Variants in NEDD4L observed in about 807,000 individuals in gnomAD.
NEDD4L encodes the protein NEDD4 like E3 ubiquitin protein ligase.
In NEDD4L, 54 loss-of-function variants were observed where a neutral mutation model predicts 148.9. The ratio of observed to expected loss-of-function variants is 0.36; its 90% CI spans 0.29 to 0.45. The LOEUF is 0.45. Ranked by LOEUF, NEDD4L falls within the 20% of genes least tolerant of loss-of-function variation. The pLI, the probability that NEDD4L is intolerant of heterozygous loss-of-function variation, is 1.00. For missense variants in NEDD4L, 856 were observed against 1,233.8 expected, an observed-to-expected ratio of 0.69 and a Z score of 4.59; for synonymous variants, 433 against 440.7, an observed-to-expected ratio of 0.98 and a Z score of 0.22.
chr18:58,075,023 A>G (rs1217395042), intron 1 of NEDD4L, among the ~76,000 whole-genome samples: 2 of 152,232 alleles, frequency 1.3e-5, no homozygotes, highest in Admixed American at 1.3e-4. Flanking sequence ...AACAATAATA[A>G]TAACCTAGCA....
chr18:58,047,095 A>G (rs1285436409), intron 1 of NEDD4L: 1 of 199,292 alleles, frequency 5.0e-6, no homozygotes, highest in Non-Finnish European at 9.0e-6. Flanking sequence ...AAACCAATGG[A>G]AGATTTTAGC....
rs2086184079 is a variant in NEDD4L at position 58,120,694 on chromosome 18, G to A, written c.49-45094G>A. ...ACTCGGGAGGTTGAGGCAGGAGAAT[G>A]GCATGAACCTGGGAGGCGGAGCTTG... On this transcript the variant is annotated intron_variant, in intron 1 of 30. Coordinates refer to ENST00000400345, the MANE Select transcript of NEDD4L (RefSeq NM_001144967.3). Among the ~76,000 whole-genome samples, 4 of 152,148 alleles carry A rather than the reference G, an allele frequency of 2.6e-5. No individual in the cohort carries two copies. The South Asian group carries it at 8.3e-4, about 32-fold the overall frequency.
intron 2 of NEDD4L, among the ~76,000 whole-genome samples, chr18:58,200,168 T>C (rs1470432880): frequency 2.0e-5 from 3 of 152,264 alleles, no homozygotes; most frequent in Admixed American, 1.3e-4. Context: ...ATGGCTCTTT[T>C]AAAAATGTGC....
intron 10 of NEDD4L, among the ~76,000 whole-genome samples, 194 bp from the exon 11 acceptor site, chr18:58,330,544 A>G (rs201115011): frequency 6.6e-6 from 1 of 152,196 alleles, no homozygotes; most frequent in East Asian, 1.9e-4. Flanking sequence ...TCTGTGCCTC[A>G]GTTTCCTCAT....
At position 58,369,859 on chromosome 18, in the gene NEDD4L, T is replaced by TCCAGCCTGTCCCCTTCCTGTGCTTTCTCC. The variant is rs1601787677; in HGVS notation, c.2186-534_2186-506dup. ...GGCCCTCTCCGGGGCCTTCCCCATTTCCAGCCTGTCCCCTTCCTGTGCTTT... is the reference window on the plus strand; with the variant it reads ...GGCCCTCTCCGGGGCCTTCCCCATTTCCAGCCTGTCCCCTTCCTGTGCTTTCTCCCCAGCCTGTCCCCTTCCTGTGCTTT... On this transcript the variant is annotated intron_variant, in intron 22 of 30. Transcript: ENST00000400345. Among the ~76,000 whole-genome samples the TCCAGCCTGTCCCCTTCCTGTGCTTTCTCC allele has an allele frequency of 2.6e-5, 4 of 152,340 alleles. No individual in the cohort carries two copies. The East Asian group carries it at 7.7e-4, about 29-fold the overall frequency.
At chr18:58,059,757 G>A (rs2082246028) in intron 1 of NEDD4L, among the ~76,000 whole-genome samples, 1 of 152,184 alleles carries the variant, frequency 6.6e-6, no homozygotes, top group Admixed American at 6.5e-5. Context: ...TGCCAAGACA[G>A]TAGATTTTAA....
chr18:58,304,024 C>T (rs563180636), intron 5 of NEDD4L, among the ~76,000 whole-genome samples: 22 of 152,136 alleles, frequency 1.4e-4, no homozygotes, highest in South Asian at 6.3e-4. Context: ...CACTTCTTCC[C>T]CCTGACCCCA....
At chr18:58,294,238 A>G (rs892672703) in intron 5 of NEDD4L, among the ~76,000 whole-genome samples, 7 of 152,204 alleles carry the variant, frequency 4.6e-5, no homozygotes, top group Admixed American at 1.3e-4. Flanking sequence ...CTTAATTTAG[A>G]TAACCAAGAT....
intron 2 of NEDD4L, among the ~76,000 whole-genome samples, chr18:58,192,574 A>T (rs1430098393): frequency 1.3e-5 from 2 of 152,150 alleles, no homozygotes; most frequent in African/African-American, 4.8e-5. Flanking sequence ...ACTCACTTTA[A>T]TGGTTTTTCC....
chr18:58,328,996 G>T lies in NEDD4L; in HGVS notation c.682G>T (p.Asp228Tyr). 1 of 1,613,980 alleles carries T rather than the reference G, an allele frequency of 6.2e-7. No homozygotes were observed. The highest frequency in any genetic ancestry group is 8.5e-7 in the Non-Finnish European group (1 of 1,179,880). Residue 228 changes from aspartate to tyrosine, a missense_variant and splice_region_variant, in exon 10 of 31, where the codon GAC (aspartate) becomes TAC (tyrosine). Coordinates refer to ENST00000400345, the MANE Select transcript of NEDD4L (RefSeq NM_001144967.3). Reference sequence around the variant, plus strand: ...TTTCCCCCTTTCCTGCATGCTCAGGGACGTGTCCTCGGAGTCGGACAATAA... The same window carrying T: ...TTTCCCCCTTTCCTGCATGCTCAGGTACGTGTCCTCGGAGTCGGACAATAA... ...TTQWHRPSLM[D>Y]VSSESDNNIR... is the part of the protein sequence containing the mutation.
chr18:58,069,987 C>G (rs1004925187), intron 1 of NEDD4L, among the ~76,000 whole-genome samples: 1 of 152,180 alleles, frequency 6.6e-6, no homozygotes, highest in Non-Finnish European at 1.5e-5. Flanking sequence ...TCTGTTAAAC[C>G]ACTGGAAGGG....
rs924520639 is a variant in NEDD4L at position 58,195,396 on chromosome 18, G to A, written c.122+29535G>A. ...CTGCTGCCTCTGATGAGGCACTTCC[G>A]TGTTCCCCACATTTGAATTTGCTCC... is the stretch of plus-strand genomic sequence containing the variant. On this transcript the variant is annotated intron_variant, in intron 2 of 30. Transcript: ENST00000400345. 5 of 1,258,238 alleles carry A rather than the reference G, an allele frequency of 4.0e-6. No homozygotes were observed. In the African/African-American group the frequency reaches 4.6e-5, roughly 11 times the overall value. 77.9% of individuals were successfully genotyped at this position (1,258,238 alleles called of 1,614,324 possible). A position where few individuals can be genotyped will look rare whatever the true frequency, so the allele number is the denominator to read the frequency against.
chr18:58,348,733 C>T (rs976567593), intron 16 of NEDD4L, among the ~76,000 whole-genome samples: 2 of 152,108 alleles, frequency 1.3e-5, no homozygotes, highest in Non-Finnish European at 2.9e-5. Context: ...AGAAACAGAC[C>T]ATGTGCCCAA....
intron 16 of NEDD4L, among the ~76,000 whole-genome samples, chr18:58,348,518 G>A (rs952410748): frequency 9.3e-5 from 14 of 151,324 alleles, no homozygotes; most frequent in Admixed American, 2.0e-4. Flanking sequence ...TAGTAGGAAC[G>A]GAGTTTCACC....
intron 2 of NEDD4L, among the ~76,000 whole-genome samples, chr18:58,219,663 G>A (rs1599841779): frequency 6.6e-6 from 1 of 151,996 alleles, no homozygotes; most frequent in Non-Finnish European, 1.5e-5. Flanking sequence ...TTCGTATAAG[G>A]GCACAGTCAT....
intron 1 of NEDD4L, among the ~76,000 whole-genome samples, chr18:58,094,501 A>G (rs2084262462): frequency 7.1e-6 from 1 of 140,016 alleles, no homozygotes; most frequent in South Asian, 2.1e-4. Context: ...CTGCACCCTT[A>G]CCTTTTCGCC....
At chr18:58,159,122 C>T (rs566187832) in intron 1 of NEDD4L, among the ~76,000 whole-genome samples, 6 of 151,772 alleles carry the variant, frequency 4.0e-5, no homozygotes, top group African/African-American at 7.3e-5. Context: ...AGCGGGAAGG[C>T]GTTGGTGTGG....
At chr18:58,047,539 G>A in intron 1 of NEDD4L, 1 of 982,680 alleles carries the variant, frequency 1.0e-6, no homozygotes, top group Non-Finnish European at 1.2e-6. Flanking sequence ...GGCTTTGCTT[G>A]TGTGAATGTA....
chr18:58,047,903 G>C (rs574108448), intron 1 of NEDD4L, among the ~76,000 whole-genome samples: 1 of 152,252 alleles, frequency 6.6e-6, no homozygotes, highest in African/African-American at 2.4e-5. Flanking sequence ...TTTTAGAAAG[G>C]TATCATTTAT....
Sources: allele counts gnomAD v4.1 joint callset (sites outside exome capture counted in the v4.1 genomes callset), GRCh38; gene constraint gnomAD v4.1.1; transcripts MANE v1.5; gene names NCBI Gene and HGNC (gene_info 2026-07-23, HGNC 2026-07-21).